The following INPP5A variants were observed in gnomAD, a reference collection of about 807,000 sequenced individuals.
INPP5A encodes 43 kDa inositol polyphosphate 5-phophatase.
INPP5A carries 14 observed loss-of-function variants against 65.2 expected under a neutral mutation model. The ratio of observed to expected loss-of-function variants is 0.21; its 90% CI spans 0.14 to 0.34. The LOEUF (loss-of-function observed/expected upper bound fraction) is 0.34. INPP5A is among the 10% of genes least tolerant of loss of function. The pLI is 1.00. For synonymous variants in INPP5A, 207 were observed against 208.3 expected, an observed-to-expected ratio of 0.99 and a Z score of 0.05; for missense variants, 431 against 545.6, an observed-to-expected ratio of 0.79 and a Z score of 2.09.
chr10:132,725,206 G>A (rs1055337509), intron 8 of INPP5A, among the ~76,000 whole-genome samples: 2 of 152,258 alleles, frequency 1.3e-5, no homozygotes, highest in South Asian at 2.1e-4. Context: ...TTGAGGGTGT[G>A]CAAGTTAAGA....
intron 6 of INPP5A, among the ~76,000 whole-genome samples, chr10:132,701,402 C>T (rs576051554): frequency 1.3e-5 from 2 of 152,168 alleles, no homozygotes; most frequent in South Asian, 2.1e-4. Context: ...GTGAGGGCTT[C>T]GAAGGTGGCC....
chr10:132,733,992 C>T (rs1339409424), intron 9 of INPP5A, among the ~76,000 whole-genome samples: 1 of 152,246 alleles, frequency 6.6e-6, no homozygotes, highest in Non-Finnish European at 1.5e-5. Flanking sequence ...GCACACAGAT[C>T]CTGTGAGTCA....
In INPP5A at chr10:132,616,413, G is replaced by A. The variant is rs1037057983; in HGVS notation, c.117+8457G>A. Among the ~76,000 whole-genome samples, 5 of 152,046 alleles carry A rather than the reference G, an allele frequency of 3.3e-5. No individual in the cohort carries two copies. The highest frequency in any genetic ancestry group is 1.9e-4 in the East Asian group (1 of 5,160). On this transcript the variant is annotated intron_variant, in intron 2 of 15. Coordinates refer to ENST00000368594, the MANE Select transcript of INPP5A (RefSeq NM_005539.5). The surrounding 1 kb of genome is among the most constrained non-coding windows in gnomAD (Gnocchi z 4.9). ...GAGGTATGTGGCGTGCGGGGACGCC[G>A]TGGGCGTGGTGTGGGATATGTGGTA...
At chr10:132,635,374 G>T (rs2072331235) in intron 2 of INPP5A, among the ~76,000 whole-genome samples, 1 of 85,674 alleles carries the variant, frequency 1.2e-5, no homozygotes, top group Admixed American at 1.2e-4. Context: ...TTGGCTGTTT[G>T]CCTTTTTAAA....
At position 132,627,781 on chromosome 10, in the gene INPP5A, C is replaced by T. The variant is rs1169532629; in HGVS notation, c.118-18087C>T. On this transcript the variant is annotated intron_variant, in intron 2 of 15. Transcript: ENST00000368594. The surrounding 1 kb of genome is among the most constrained non-coding windows in gnomAD (Gnocchi z 6.6). Reference sequence around the variant, plus strand: ...CCCGTGAAAAGCTTCAGACTTTCTTCATCCTCAGGGTAACGGCAGCCACGG... The same window carrying T: ...CCCGTGAAAAGCTTCAGACTTTCTTTATCCTCAGGGTAACGGCAGCCACGG... 6.6e-6 allele frequency among the ~76,000 whole-genome samples: 1 copy of T among 152,186 alleles called. No homozygotes were observed. The highest frequency in any genetic ancestry group is 1.5e-5 in the Non-Finnish European group (1 of 68,034).
Position 132,762,493 on chromosome 10 carries a change from C to G in INPP5A, c.904-3280C>G, listed in dbSNP as rs532317543. 6.6e-6 allele frequency among the ~76,000 whole-genome samples: 1 copy of G among 152,258 alleles called. No individual in the cohort carries two copies. Among genetic ancestry groups the G allele is most frequent in the African/African-American group, 2.4e-5 (1 of 41,546 alleles). On this transcript the variant is annotated intron_variant, in intron 11 of 15. Transcript: ENST00000368594. This position sits in a 1 kb window ranked among gnomAD's most constrained non-coding sequence, Gnocchi z 4.6. ...ACCCCACCCACACACTTAGAGTTCT[C>G]TCAGCAGCCAAGTCAGCCTTCAGAA...
chr10:132,716,604 T>TC (rs1310661152), intron 8 of INPP5A, among the ~76,000 whole-genome samples: 87 of 152,278 alleles, frequency 5.7e-4, no homozygotes, highest in South Asian at 4.1e-4. Flanking sequence ...GTGTCTCCAC[T>TC]CCCGCTGGTC....
intron 2 of INPP5A, among the ~76,000 whole-genome samples, chr10:132,613,376 CAGAA>C (rs1467674564): frequency 6.6e-6 from 1 of 152,278 alleles, no homozygotes; most frequent in East Asian, 1.9e-4. Flanking sequence ...TGGGACCTGA[CAGAA>C]AGGTGGGCAG....
intron 12 of INPP5A, among the ~76,000 whole-genome samples, chr10:132,774,646 G>A (rs1847013945): frequency 1.3e-5 from 2 of 152,048 alleles, no homozygotes; most frequent in African/African-American, 4.8e-5. Flanking sequence ...TAAGCTTGTT[G>A]TCTGCTTCTC....
chr10:132,634,649 A>G (rs977322407), intron 2 of INPP5A, among the ~76,000 whole-genome samples: 2 of 151,806 alleles, frequency 1.3e-5, no homozygotes, highest in African/African-American at 4.8e-5. Flanking sequence ...TGTTCTGTCA[A>G]CCTCTGCCCA....
In INPP5A at chr10:132,707,805, C is replaced by T. The variant is rs1030069769; in HGVS notation, c.475-508C>T. 5.3e-5 allele frequency among the ~76,000 whole-genome samples: 8 copies of T among 151,660 alleles called. No individual in the cohort carries two copies. Among genetic ancestry groups the T allele is most frequent in the South Asian group, 2.1e-4 (1 of 4,792 alleles). Reference sequence around the variant, plus strand: ...AGAGGCATCGGTGGGTGAGAGGCATCGGTGGGTGAACGGCATCGGTGGGTG... The same window carrying T: ...AGAGGCATCGGTGGGTGAGAGGCATTGGTGGGTGAACGGCATCGGTGGGTG... On this transcript the variant is annotated intron_variant, in intron 6 of 15. Coordinates refer to ENST00000368594, the MANE Select transcript of INPP5A (RefSeq NM_005539.5). The surrounding 1 kb of genome is among the most constrained non-coding windows in gnomAD (Gnocchi z 5.5).
chr10:132,780,766 C>G (rs956740630), intron 13 of INPP5A, 83 bp from the exon 14 acceptor site: 2 of 1,111,234 alleles, frequency 1.8e-6, no homozygotes, highest in African/African-American at 3.1e-5. Flanking sequence ...CCCACAAAAC[C>G]CTGATGTTCC....
intron 9 of INPP5A, among the ~76,000 whole-genome samples, chr10:132,747,472 T>C (rs938744677): frequency 1.3e-5 from 2 of 152,278 alleles, no homozygotes; most frequent in African/African-American, 4.8e-5. Flanking sequence ...AGGTAGACGC[T>C]GCATCTTGGC....
intron 2 of INPP5A, among the ~76,000 whole-genome samples, chr10:132,635,041 G>A (rs894604596): frequency 2.0e-5 from 3 of 152,250 alleles, no homozygotes; most frequent in South Asian, 2.1e-4. Flanking sequence ...GAGAGTTCCA[G>A]TCTGTGGCAT....
chr10:132,611,115 G>A (rs1335171326), intron 2 of INPP5A, among the ~76,000 whole-genome samples: 1 of 149,440 alleles, frequency 6.7e-6, no homozygotes, highest in Non-Finnish European at 1.5e-5. Flanking sequence ...AGGTGAGGTG[G>A]GCAGGGGAGA....
At chr10:132,564,871 G>A (rs890401988) in intron 1 of INPP5A, among the ~76,000 whole-genome samples, 2 of 152,096 alleles carry the variant, frequency 1.3e-5, no homozygotes, top group African/African-American at 2.4e-5. Flanking sequence ...GCATGCCCCC[G>A]TATGCCTGGG....
intron 1 of INPP5A, among the ~76,000 whole-genome samples, chr10:132,596,925 GCA>G (rs1491011187): frequency 5.9e-5 from 2 of 33,960 alleles, no homozygotes; most frequent in Non-Finnish European, 8.8e-5. Context: ...ATGTGTGCGC[GCA>G]TGTGCACGCA....
At chr10:132,599,155 A>C (rs570589799) in intron 1 of INPP5A, among the ~76,000 whole-genome samples, 1 of 152,230 alleles carries the variant, frequency 6.6e-6, no homozygotes, top group African/African-American at 2.4e-5. Flanking sequence ...AACTCATTGC[A>C]GCATTAACCC....
intron 1 of INPP5A, among the ~76,000 whole-genome samples, chr10:132,604,411 C>G (rs2071817928): frequency 6.6e-6 from 1 of 152,188 alleles, no homozygotes; most frequent in African/African-American, 2.4e-5. Flanking sequence ...TCCTCCTTTC[C>G]CGTGACTGCT....
Sources: allele counts gnomAD v4.1 joint callset (sites outside exome capture counted in the v4.1 genomes callset), GRCh38; gene constraint gnomAD v4.1.1; non-coding constraint Gnocchi (gnomAD v3.1); transcripts MANE v1.5; gene names NCBI Gene and HGNC (gene_info 2026-07-23, HGNC 2026-07-21).